The following VWA8 variants were observed in gnomAD, a reference collection of about 807,000 sequenced individuals.
The protein encoded by VWA8 is von Willebrand factor A domain containing 8.
In VWA8, 221 loss-of-function variants were observed where a neutral mutation model predicts 241.5. The ratio of observed to expected loss-of-function variants is 0.91; its 90% confidence interval spans 0.82 to 1.02. VWA8 has a LOEUF of 1.02. VWA8 is among the 50% of genes least tolerant of loss of function. VWA8 has a pLI of 0.00. For synonymous variants in VWA8, 852 were observed against 827.1 expected (o/e 1.03, Z -0.52); for missense variants, 2,322 against 2,328.7 (o/e 1.00, Z 0.06).
At position 41,843,101 on chromosome 13, in the gene VWA8, T is replaced by A. The variant is rs1386492663; in HGVS notation, c.1426-9570A>T. On this transcript the variant is annotated intron_variant, in intron 12 of 44. Coordinates refer to ENST00000379310, the MANE Select transcript of VWA8 (RefSeq NM_015058.2). ...TTACCAGAAAGCCAGAACTTAAGGA[T>A]GATGATATTTAAAAAGTAAATCAAC... Among the ~76,000 whole-genome samples, 3 of 152,186 alleles carry A rather than the reference T, an allele frequency of 2.0e-5. No individual in the cohort carries two copies. The East Asian group carries it at 5.8e-4, about 29-fold the overall frequency.
chr13:41,685,062 C>T lies in VWA8; in HGVS notation c.4312G>A (p.Asp1438Asn). 2 of 1,613,222 alleles carry T rather than the reference C, an allele frequency of 1.2e-6. No individual in the cohort carries two copies. The highest frequency in any genetic ancestry group is 1.7e-6 in the Non-Finnish European group (2 of 1,179,580). The part of the protein sequence containing the change: ...ILPPGEVPLK[D>N]IYPKDVTPPQ... Reference sequence around the variant, plus strand: ...TCCTTCTTACCTTTTGGGTAGATATCTTTTAGAGGGACTTCTCCTGGGGGT... The same window carrying T: ...TCCTTCTTACCTTTTGGGTAGATATTTTTTAGAGGGACTTCTCCTGGGGGT... Residue 1438 changes from aspartate to asparagine, a missense_variant, in exon 35 of 45, where the codon GAT becomes AAT. By Grantham distance (23) the Asp-to-Asn change is conservative (BLOSUM62 1). Transcript: ENST00000379310.
At chr13:41,937,480 A>G (rs117863953) in intron 2 of VWA8, among the ~76,000 whole-genome samples, 3,436 of 152,282 alleles carry the variant, frequency 0.023, 59 homozygotes, top group Non-Finnish European at 0.034. Flanking sequence ...TTGTCCTCCT[A>G]TAAGAATCTA....
chr13:41,932,806 G>GA (rs1459895205), intron 2 of VWA8, among the ~76,000 whole-genome samples: 3 of 151,298 alleles, frequency 2.0e-5, no homozygotes, highest in East Asian at 1.9e-4. Flanking sequence ...ACTATGAATA[G>GA]AAAAAAACGT....
At chr13:41,671,934 G>A (rs1206049952) in intron 36 of VWA8, among the ~76,000 whole-genome samples, 3 of 152,098 alleles carry the variant, frequency 2.0e-5, no homozygotes, top group Non-Finnish European at 4.4e-5. Context: ...CTAATAATGA[G>A]CACATTAAAA....
At chr13:41,606,710 C>A (rs987775981) in intron 39 of VWA8, among the ~76,000 whole-genome samples, 2 of 152,118 alleles carry the variant, frequency 1.3e-5, no homozygotes, top group East Asian at 1.9e-4. Context: ...TGGGAAAAAT[C>A]CATTCACCAT....
intron 37 of VWA8, among the ~76,000 whole-genome samples, chr13:41,655,218 T>C (rs2044895609): frequency 2.0e-5 from 3 of 152,008 alleles, no homozygotes; most frequent in Admixed American, 2.0e-4. Flanking sequence ...GCCTCTCTAG[T>C]AGCTGGGATT....
intron 21 of VWA8, among the ~76,000 whole-genome samples, chr13:41,736,635 ATAGT>A (rs2045526838): frequency 6.6e-6 from 1 of 152,126 alleles, no homozygotes; most frequent in Non-Finnish European, 1.5e-5. Context: ...AAAAACAATA[ATAGT>A]TAAACATAAG....
intron 42 of VWA8, among the ~76,000 whole-genome samples, chr13:41,576,796 T>C (rs773253891): frequency 1.3e-5 from 2 of 152,238 alleles, no homozygotes; most frequent in African/African-American, 4.8e-5. Context: ...AAATTTCAAA[T>C]ACTTGGGTTC....
At chr13:41,928,638 TAAA>T (rs1465832463) in intron 2 of VWA8, among the ~76,000 whole-genome samples, 1 of 151,860 alleles carries the variant, frequency 6.6e-6, no homozygotes, top group Non-Finnish European at 1.5e-5. Context: ...ATGCCTACAT[TAAA>T]AAGATTCTGA....
chr13:41,746,162 G>A (rs1235396908), intron 21 of VWA8, among the ~76,000 whole-genome samples: 1 of 152,084 alleles, frequency 6.6e-6, no homozygotes, highest in Admixed American at 6.5e-5. Context: ...TTGGATATGT[G>A]TTATATATTT....
chr13:41,755,016 C>A (rs1032302974), intron 21 of VWA8, among the ~76,000 whole-genome samples: 1 of 151,954 alleles, frequency 6.6e-6, no homozygotes, highest in Non-Finnish European at 1.5e-5. Context: ...TGTTGATGGA[C>A]CCTTAGGTTG....
At chr13:41,586,227 C>T (rs928100101) in intron 42 of VWA8, among the ~76,000 whole-genome samples, 15 of 151,628 alleles carry the variant, frequency 9.9e-5, no homozygotes, top group South Asian at 2.1e-4. Context: ...AGGAAAAAGT[C>T]GAACACTGGT....
At chr13:41,956,397 T>C (rs1017383867) in intron 1 of VWA8, among the ~76,000 whole-genome samples, 1 of 152,202 alleles carries the variant, frequency 6.6e-6, no homozygotes, top group Non-Finnish European at 1.5e-5. Context: ...ATTCCCACAC[T>C]AGTCTATGTG....
chr13:41,746,093 A>G (rs886112395), intron 21 of VWA8, among the ~76,000 whole-genome samples: 1 of 152,212 alleles, frequency 6.6e-6, no homozygotes, highest in Non-Finnish European at 1.5e-5. Flanking sequence ...TTTCTGCAAA[A>G]GGAAGAGTAG....
intron 13 of VWA8, among the ~76,000 whole-genome samples, chr13:41,831,546 GC>G (rs1333034212): frequency 2.0e-5 from 3 of 151,466 alleles, no homozygotes; most frequent in African/African-American, 7.3e-5. Context: ...GTTTAAAAAT[GC>G]CAATGTTCAG....
chr13:41,901,344 C>A (rs552885926), intron 4 of VWA8, among the ~76,000 whole-genome samples: 1 of 152,162 alleles, frequency 6.6e-6, no homozygotes, highest in East Asian at 1.9e-4. Flanking sequence ...TTGGACAGAG[C>A]CTGGTTCAAA....
chr13:41,926,592 G>T, intron 2 of VWA8: 1 of 547,030 alleles, frequency 1.8e-6, no homozygotes, highest in East Asian at 5.0e-5. Flanking sequence ...TTCACCACCT[G>T]CGAGTTCTAT....
intron 39 of VWA8, among the ~76,000 whole-genome samples, chr13:41,609,629 C>T (rs2044574609): frequency 6.6e-6 from 1 of 152,054 alleles, no homozygotes; most frequent in African/African-American, 2.4e-5. Context: ...AAATATTCAC[C>T]AAATGGGATG....
intron 2 of VWA8, among the ~76,000 whole-genome samples, chr13:41,940,889 T>C (rs1877564986): frequency 6.6e-6 from 1 of 152,160 alleles, no homozygotes; most frequent in East Asian, 1.9e-4. Flanking sequence ...GTGATTATGG[T>C]AGGAATAATG....
Sources: gnomAD v4.1 joint callset for allele counts (sites outside exome capture counted in the v4.1 genomes callset) on GRCh38, gnomAD v4.1.1 for gene constraint, MANE v1.5 for transcripts, NCBI Gene and HGNC (gene_info 2026-07-23, HGNC 2026-07-21) for gene names.